Variants in CSMD1 observed in about 807,000 individuals in gnomAD.
CSMD1 encodes CUB and Sushi multiple domains 1, also known as CUB and sushi domain-containing protein 1.
Under a neutral mutation model 417.5 loss-of-function variants are expected in CSMD1, and 213 were observed. The observed-to-expected ratio is 0.51, with a 90% CI of 0.46 to 0.57. The LOEUF (loss-of-function observed/expected upper bound fraction) is 0.57. Among genes scored for constraint, CSMD1 ranks in the 20% least tolerant of loss-of-function variants. The pLI is 0.00. For missense variants in CSMD1, 6,923 were observed against 4,529.7 expected, an observed-to-expected ratio of 1.53 and a Z score of -15.17; for synonymous variants, 2,862 against 1,736.8, an observed-to-expected ratio of 1.65 and a Z score of -16.11.
intron 3 of CSMD1, among the ~76,000 whole-genome samples, chr8:4,278,905 C>T (rs769004818): frequency 6.6e-6 from 1 of 152,180 alleles, no homozygotes; most frequent in Non-Finnish European, 1.5e-5. Flanking sequence ...GATAACTTCT[C>T]TGAAAGTAAC....
intron 1 of CSMD1, among the ~76,000 whole-genome samples, chr8:4,778,165 AAT>A (rs762487673): frequency 3.3e-4 from 51 of 152,320 alleles, no homozygotes; most frequent in Non-Finnish European, 5.7e-4. Context: ...ATATAAAACA[AAT>A]ATGTCATAAA....
chr8:3,605,692 G>T (rs932865805), intron 8 of CSMD1, among the ~76,000 whole-genome samples: 3 of 152,150 alleles, frequency 2.0e-5, no homozygotes, highest in Non-Finnish European at 4.4e-5. Context: ...ATAAAAATAT[G>T]CTAAGACAAA....
At chr8:3,407,443 G>T (rs181919435) in intron 14 of CSMD1, among the ~76,000 whole-genome samples, 214 of 151,954 alleles carry the variant, frequency 1.4e-3, no homozygotes, top group Middle Eastern at 3.4e-3. Flanking sequence ...ATGGAAGGAT[G>T]GATGGAAAGA....
chr8:3,840,693 AT>A (rs34360211), intron 5 of CSMD1, among the ~76,000 whole-genome samples: 1,476 of 134,742 alleles, frequency 0.011, 17 homozygotes, highest in African/African-American at 0.032. Flanking sequence ...CTTTTTTTTA[AT>A]TTTTTTTTTT....
intron 11 of CSMD1, among the ~76,000 whole-genome samples, chr8:3,488,344 G>C (rs973529640): frequency 3.9e-5 from 6 of 152,112 alleles, no homozygotes; most frequent in Admixed American, 2.0e-4. Context: ...TTGGCCTCAA[G>C]TATTTCTCCC....
intron 3 of CSMD1, among the ~76,000 whole-genome samples, chr8:4,068,261 C>T (rs1320271752): frequency 6.6e-6 from 1 of 152,056 alleles, no homozygotes; most frequent in Non-Finnish European, 1.5e-5. Flanking sequence ...AGGTTGCCCT[C>T]CTCGGAGAGT....
Position 2,956,434 on chromosome 8 carries a change from TTTTA to T in CSMD1, c.9815-670_9815-667del, listed in dbSNP as rs1260365963. On this transcript the variant is annotated intron_variant, in intron 63 of 69. Transcript: ENST00000635120. Reference sequence around the variant, plus strand: ...ATATTATTATAAAACAAGTTTACAATTTTATTTATTTATTTTTATTTATTTATTT... The same window carrying T: ...ATATTATTATAAAACAAGTTTACAATTTTATTTATTTTTATTTATTTATTT... 1.1e-4 allele frequency among the ~76,000 whole-genome samples: 17 copies of T among 151,934 alleles called. No homozygotes were observed. The East Asian group carries it at 1.9e-3, about 17-fold the overall frequency.
At chr8:3,382,886 A>G (rs538773306) in intron 18 of CSMD1, among the ~76,000 whole-genome samples, 1 of 152,094 alleles carries the variant, frequency 6.6e-6, no homozygotes, top group Non-Finnish European at 1.5e-5. Flanking sequence ...GGATTTCTTT[A>G]GTTTTCCAAG....
rs78577261 is a variant in CSMD1 at position 3,429,055 on chromosome 8, G to C, written c.1562-19450C>G. On this transcript the variant is annotated intron_variant, in intron 12 of 69. Transcript: ENST00000635120. ...CTGGGGGAGGCAGGAGGACAGGAAT[G>C]GGGAGAGATGAGTTAACAGGTGCAG... Among the ~76,000 whole-genome samples, 1,185 of 152,252 alleles carry C rather than the reference G, an allele frequency of 7.8e-3. 13 individuals carry two copies. Among genetic ancestry groups the C allele is most frequent in the African/African-American group, 0.027 (1,108 of 41,552 alleles).
chr8:4,020,126 C>T (rs373790271), intron 4 of CSMD1, among the ~76,000 whole-genome samples: 30 of 152,186 alleles, frequency 2.0e-4, no homozygotes, highest in African/African-American at 6.7e-4. Flanking sequence ...AGGCTCTTTG[C>T]TAACCATTTT....
chr8:4,306,423 C>T (rs1321037527), intron 3 of CSMD1, among the ~76,000 whole-genome samples: 1 of 152,090 alleles, frequency 6.6e-6, no homozygotes, highest in African/African-American at 2.4e-5. Flanking sequence ...ACAGTATCAT[C>T]GTGAAAGTTC....
chr8:4,760,186 A>G (rs897326255), intron 1 of CSMD1, among the ~76,000 whole-genome samples: 1 of 152,240 alleles, frequency 6.6e-6, no homozygotes, highest in Non-Finnish European at 1.5e-5. Context: ...AGTGAACCAC[A>G]AAGTGCATTC....
At chr8:3,457,610 A>G (rs559825688) in intron 12 of CSMD1, among the ~76,000 whole-genome samples, 1 of 152,366 alleles carries the variant, frequency 6.6e-6, no homozygotes, top group African/African-American at 2.4e-5. Flanking sequence ...GAATAGTCCC[A>G]TCTATAACTT....
At chr8:4,808,717 A>T (rs1798724934) in intron 1 of CSMD1, among the ~76,000 whole-genome samples, 2 of 152,144 alleles carry the variant, frequency 1.3e-5, no homozygotes, top group Non-Finnish European at 2.9e-5. Context: ...GAACACGCCC[A>T]CTCAGAAAGT....
chr8:3,324,890 G>A (rs1474739780), intron 23 of CSMD1, among the ~76,000 whole-genome samples: 5 of 151,818 alleles, frequency 3.3e-5, no homozygotes, highest in African/African-American at 1.2e-4. Context: ...ATGTTTTCAT[G>A]TTCCTCGGTC....
intron 5 of CSMD1, among the ~76,000 whole-genome samples, chr8:3,914,330 C>A (rs1808662354): frequency 1.3e-5 from 2 of 151,760 alleles, no homozygotes; most frequent in Admixed American, 1.3e-4. Context: ...GAGAATGGGG[C>A]CTAGAGGGTA....
chr8:3,643,626 G>A (rs1235305636), intron 7 of CSMD1, among the ~76,000 whole-genome samples: 4 of 149,490 alleles, frequency 2.7e-5, no homozygotes, highest in Admixed American at 6.8e-5. Flanking sequence ...GCGTGAACCC[G>A]GGAGGTGGAG....
chr8:4,252,147 G>A, intron 3 of CSMD1, among the ~76,000 whole-genome samples: 1 of 152,104 alleles, frequency 6.6e-6, no homozygotes, highest in East Asian at 1.9e-4. Flanking sequence ...GTTTTGTTCT[G>A]TTCTTTCAGG....
At chr8:3,799,725 T>G (rs1266450352) in intron 5 of CSMD1, among the ~76,000 whole-genome samples, 1 of 152,036 alleles carries the variant, frequency 6.6e-6, no homozygotes, top group African/African-American at 2.4e-5. Context: ...TGACATTCTG[T>G]GCATTGTTTT....
Sources: gnomAD v4.1 joint callset for allele counts (sites outside exome capture counted in the v4.1 genomes callset) on GRCh38, gnomAD v4.1.1 for gene constraint, MANE v1.5 for transcripts, NCBI Gene and HGNC (gene_info 2026-07-23, HGNC 2026-07-21) for gene names.